KIF7: variants seen among roughly 807,000 people sequenced by gnomAD.
The protein encoded by KIF7 is kinesin-like protein KIF7.
A neutral mutation model predicts 135.7 loss-of-function variants in KIF7; 104 were observed. The ratio of observed to expected loss-of-function variants is 0.77; its 90% CI spans 0.65 to 0.90. KIF7 has a LOEUF of 0.90. Ranked by LOEUF, KIF7 falls within the 40% of genes least tolerant of loss-of-function variation. The pLI is 0.00. For synonymous variants in KIF7, 883 were observed against 809.4 expected, an observed-to-expected ratio of 1.09 and a Z score of -1.54; for missense variants, 2,005 against 1,839.1, an observed-to-expected ratio of 1.09 and a Z score of -1.65.
At position 89,630,335 on chromosome 15, in the gene KIF7, G is replaced by A. The variant is rs750580913; in HGVS notation, c.3270C>T (p.Tyr1090=). Residue 1090 remains tyrosine (Y), a synonymous_variant, in exon 16 of 19, where the codon TAC becomes TAT. Transcript: ENST00000394412. ...CEMNLMAKLS[Y]LSSSETRALL... ...GGGCTCTGGTCTCTGAGGATGAGAG[G>A]TAGCTGAGCTTGGCCATGAGGTTCA... 1.6e-5 allele frequency: 26 copies of A among 1,614,094 alleles called. No individual in the cohort carries two copies. The highest frequency in any genetic ancestry group is 6.7e-5 in the East Asian group (3 of 44,892).
chr15:89,617,718 A>C (rs1424328307), intron 2 of KIF7, among the ~76,000 whole-genome samples: 4 of 135,138 alleles, frequency 3.0e-5, no homozygotes, highest in Non-Finnish European at 6.2e-5. Context: ...TTTGAGACAG[A>C]GTCTAGCTCT....
In KIF7 at chr15:89,630,200, G is replaced by A. The variant is rs143669426; in HGVS notation, c.3318+87C>T. On this transcript the variant is annotated intron_variant, in intron 16 of 18. Coordinates refer to ENST00000394412, the MANE Select transcript of KIF7 (RefSeq NM_198525.3). Reference sequence around the variant, plus strand: ...TCTGTCCCCCAGTCTGGGAGGAAACGGGATATCCGCTGGAGCAGCTGCCAT... The same window carrying A: ...TCTGTCCCCCAGTCTGGGAGGAAACAGGATATCCGCTGGAGCAGCTGCCAT... 0.026 allele frequency: 32,288 copies of A among 1,255,376 alleles called. 574 individuals carry two copies. Among genetic ancestry groups the A allele is most frequent in the South Asian group, 0.044 (3,474 of 79,774 alleles). The allele number at this position is 1,255,376 out of a possible 1,614,324, so 77.8% of individuals were successfully genotyped here.
intron 14 of KIF7, among the ~76,000 whole-genome samples, chr15:89,632,523 C>G (rs920051462): frequency 6.6e-6 from 1 of 152,142 alleles, no homozygotes; most frequent in African/African-American, 2.4e-5. Flanking sequence ...GTAACTGTGT[C>G]ATAAATATCT....
intron 11 of KIF7, among the ~76,000 whole-genome samples, chr15:89,636,185 A>C (rs1963803691): frequency 6.6e-6 from 1 of 152,192 alleles, no homozygotes; most frequent in African/African-American, 2.4e-5. Context: ...GAAGCGCTAA[A>C]CATGGAAAGG....
intron 8 of KIF7, 83 bp from the exon 9 acceptor site, chr15:89,645,534 A>G: frequency 9.1e-7 from 1 of 1,099,586 alleles, no homozygotes; most frequent in South Asian, 1.3e-5. Context: ...GGAAGAAGAG[A>G]GGCCACCGGG....
rs1248894691 is a variant in KIF7 at position 89,649,841 on chromosome 15, C to T, written c.429G>A (p.Val143=). The T allele has an allele frequency of 1.3e-6, 2 of 1,551,814 alleles. No individual in the cohort carries two copies. The change falls in exon 3 of 19, where the codon GTG becomes GTA. Residue 143 remains valine (V), a synonymous_variant. Coordinates refer to ENST00000394412, the MANE Select transcript of KIF7 (RefSeq NM_198525.3). The part of the protein sequence containing the change: ...ENDLLDCLVH[V]SYLEVYKEEF... The stretch of plus-strand genomic sequence containing the variant: ...CCTCCTTGTACACTTCCAGGTAGGA[C>T]ACATGTACCAGACAGTCAAGCAGGT...
rs1461724542 is a variant in KIF7, at chr15:89,633,137, C to A, written c.2718+4G>T. ...CCCTGGGTGCGGACACAGCCTGGCC[C>A]CACCTGCTGCTGTTCCAGGCTGACC... On this transcript the variant is annotated splice_donor_region_variant and intron_variant, in intron 13 of 18. Coordinates refer to ENST00000394412, the MANE Select transcript of KIF7 (RefSeq NM_198525.3). 11 of 1,602,238 alleles carry A rather than the reference C, an allele frequency of 6.9e-6. No homozygotes were observed. The highest frequency in any genetic ancestry group is 5.3e-5 in the African/African-American group (4 of 74,920).
downstream of KIF7, chr15:89,623,796 A>G (rs899936076): frequency 3.1e-6 from 5 of 1,613,674 alleles, no homozygotes; most frequent in Non-Finnish European, 3.4e-6. Flanking sequence ...ACTCCTCCTC[A>G]CCCGGCCATG....
In KIF7 at chr15:89,643,616, G is replaced by A. The variant is rs113314112; in HGVS notation, c.2192-1211C>T. Among the ~76,000 whole-genome samples the A allele has an allele frequency of 7.3e-3, 1,115 of 152,340 alleles. 17 individuals are homozygous for A. The highest frequency in any genetic ancestry group is 0.026 in the African/African-American group (1,082 of 41,566). On this transcript the variant is annotated intron_variant, in intron 10 of 18. Transcript: ENST00000394412. ...CATTAAGAGGACTGTGCCGGGTGCG[G>A]TGGCTCACGCCTCTAATCCCAGTAC...
chr15:89,626,856 A>G, downstream of KIF7: 8 of 1,338,584 alleles, frequency 6.0e-6, no homozygotes, highest in South Asian at 1.1e-4. Context: ...TGATTTTCTT[A>G]AAGTCTGTTT....
Position 89,655,052 on chromosome 15 carries a change from G to A in KIF7, c.-25+347C>T, listed in dbSNP as rs899415433. Among the ~76,000 whole-genome samples the A allele has an allele frequency of 2.0e-5, 3 of 152,242 alleles. 1 individual carries two copies. Among genetic ancestry groups the A allele is most frequent in the African/African-American group, 7.2e-5 (3 of 41,462 alleles). ...GCAGGCGCTATTCGGAGCCGGGGCA[G>A]GGCAGCTGGGGCTGGAGGCGGCGGG... On this transcript the variant is annotated intron_variant, in intron 1 of 18. Coordinates refer to ENST00000394412, the MANE Select transcript of KIF7 (RefSeq NM_198525.3).
intron 1 of KIF7, chr15:89,621,449 G>C (rs759359181): frequency 6.2e-7 from 1 of 1,613,766 alleles, no homozygotes; most frequent in South Asian, 1.1e-5. Flanking sequence ...TCTTCTTTTT[G>C]GGGCAATGTC....
At chr15:89,621,356 G>A in intron 1 of KIF7, 3 of 1,579,512 alleles carry the variant, frequency 1.9e-6, no homozygotes, top group African/African-American at 2.7e-5. Context: ...CAGGAATTGA[G>A]AAAGAATTAA....
At chr15:89,624,008 C>G, downstream of KIF7, 1 of 1,614,060 alleles carries the variant, frequency 6.2e-7, no homozygotes, top group Non-Finnish European at 8.5e-7. Context: ...ACTTCATCGA[C>G]TGCCCAGCCC....
intron 2 of KIF7, among the ~76,000 whole-genome samples, chr15:89,617,557 C>G (rs985857026): frequency 2.0e-5 from 3 of 152,218 alleles, no homozygotes; most frequent in Non-Finnish European, 4.4e-5. Flanking sequence ...GAATCTCACT[C>G]TGTCACTCAG....
intron 10 of KIF7, among the ~76,000 whole-genome samples, chr15:89,644,342 C>T (rs1184862790): frequency 2.6e-5 from 4 of 152,146 alleles, no homozygotes; most frequent in South Asian, 2.1e-4. Context: ...AGAGATACTT[C>T]GCCCAGCACA....
intron 2 of KIF7, chr15:89,617,949 C>T (rs1168675122): frequency 9.6e-6 from 6 of 621,824 alleles, no homozygotes; most frequent in Non-Finnish European, 1.7e-5. Context: ...GCCTTAGCCT[C>T]CTAAGGTGCT....
chr15:89,652,473 AG>A, intron 2 of KIF7, 129 bp downstream of exon 2: 1 of 744,958 alleles, frequency 1.3e-6, no homozygotes, highest in Non-Finnish European at 2.2e-6. Flanking sequence ...ATCCCTGTCT[AG>A]GAAATCGACT....
chr15:89,648,810 A>T, intron 4 of KIF7, 36 bp from the exon 5 acceptor site: 1 of 1,514,786 alleles, frequency 6.6e-7, no homozygotes, highest in Non-Finnish European at 8.8e-7. Context: ...AGGGGCCCCG[A>T]CGCTCCAGGC....
Sources: allele counts gnomAD v4.1 joint callset (sites outside exome capture counted in the v4.1 genomes callset), GRCh38; gene constraint gnomAD v4.1.1; transcripts MANE v1.5; gene names NCBI Gene and HGNC (gene_info 2026-07-23, HGNC 2026-07-21).